Variants in CACNB2 observed in about 807,000 individuals in gnomAD.
CACNB2 encodes calcium voltage-gated channel auxiliary subunit beta 2.
CACNB2 carries 42 observed loss-of-function variants against 73.3 expected under a neutral mutation model. That is an observed-to-expected ratio of 0.57 (90% CI 0.45 to 0.74). The LOEUF is 0.74. CACNB2 is among the 30% of genes least tolerant of loss of function. CACNB2 has a pLI of 0.00. For synonymous variants in CACNB2, 348 were observed against 310.3 expected (o/e 1.12, Z -1.28); for missense variants, 940 against 853.0 (o/e 1.10, Z -1.27).
intron 3 of CACNB2, among the ~76,000 whole-genome samples, chr10:18,438,248 C>T (rs1444185378): frequency 7.2e-6 from 1 of 138,438 alleles, no homozygotes; most frequent in African/African-American, 2.7e-5. Flanking sequence ...CCAGGATGGT[C>T]TCCATCTCCT....
intron 3 of CACNB2, among the ~76,000 whole-genome samples, chr10:18,442,763 T>C (rs1452263061): frequency 6.6e-6 from 1 of 150,408 alleles, no homozygotes; most frequent in Admixed American, 6.6e-5. Flanking sequence ...CATCGGAGGT[T>C]GCAGTGAGCC....
chr10:18,428,571 A>T (rs2045722619), intron 3 of CACNB2, among the ~76,000 whole-genome samples: 3 of 152,080 alleles, frequency 2.0e-5, no homozygotes, highest in African/African-American at 7.2e-5. Flanking sequence ...CTGTAATCCC[A>T]GCTACTCTGG....
chr10:18,452,811 T>G (rs115614747), intron 3 of CACNB2, among the ~76,000 whole-genome samples: 1 of 152,366 alleles, frequency 6.6e-6, no homozygotes, highest in African/African-American at 2.4e-5. Context: ...TGGCTGCTTT[T>G]GCTGACTCTA....
intron 2 of CACNB2, chr10:18,340,639 C>T (rs868298893): frequency 5.9e-5 from 76 of 1,284,292 alleles, no homozygotes; most frequent in Middle Eastern, 3.1e-4. Flanking sequence ...AGCCAGCTGA[C>T]GTAATTCAGA....
At chr10:18,384,851 C>T (rs2043159975) in intron 2 of CACNB2, among the ~76,000 whole-genome samples, 1 of 151,908 alleles carries the variant, frequency 6.6e-6, no homozygotes, top group South Asian at 2.1e-4. Context: ...CAGGTTAAGT[C>T]CCTCCCATCT....
intron 2 of CACNB2, among the ~76,000 whole-genome samples, chr10:18,338,806 A>G (rs1407834950): frequency 7.3e-6 from 1 of 136,114 alleles, no homozygotes; most frequent in African/African-American, 2.8e-5. Flanking sequence ...TGGTATGATC[A>G]TAGCTCATTG....
At chr10:18,390,972 G>T (rs2043442211) in intron 2 of CACNB2, among the ~76,000 whole-genome samples, 1 of 152,190 alleles carries the variant, frequency 6.6e-6, no homozygotes, top group South Asian at 2.1e-4. Context: ...CTGGAATGAA[G>T]AAGCAGAATT....
intron 2 of CACNB2, among the ~76,000 whole-genome samples, chr10:18,257,632 A>C (rs2037339259): frequency 6.6e-6 from 1 of 152,178 alleles, no homozygotes; most frequent in South Asian, 2.1e-4. Flanking sequence ...AATTCCGTCC[A>C]TTCTGCAAGG....
chr10:18,491,344 G>T (rs1278940043), intron 3 of CACNB2, among the ~76,000 whole-genome samples: 2 of 152,202 alleles, frequency 1.3e-5, no homozygotes, highest in Non-Finnish European at 2.9e-5. Context: ...AGCCCTTTGG[G>T]AGGCCAAGGC....
At chr10:18,515,121 C>T (rs1347069607) in intron 7 of CACNB2, 1 of 1,168,300 alleles carries the variant, frequency 8.6e-7, no homozygotes, top group Non-Finnish European at 1.3e-6. Context: ...ACCATCTCAC[C>T]CTTTGGACAG....
intron 3 of CACNB2, among the ~76,000 whole-genome samples, chr10:18,489,098 T>C (rs1037487510): frequency 2.0e-5 from 3 of 151,956 alleles, no homozygotes; most frequent in Non-Finnish European, 2.9e-5. Flanking sequence ...CGGATCATGA[T>C]ATCAGGAGAT....
intron 2 of CACNB2, among the ~76,000 whole-genome samples, chr10:18,286,255 G>A (rs1006169764): frequency 6.6e-6 from 1 of 152,048 alleles, no homozygotes; most frequent in Non-Finnish European, 1.5e-5. Flanking sequence ...AGTGGCTCAC[G>A]CCTGTAATCC....
At chr10:18,179,172 T>A (rs1309813812) in intron 2 of CACNB2, among the ~76,000 whole-genome samples, 1 of 152,202 alleles carries the variant, frequency 6.6e-6, no homozygotes, top group Non-Finnish European at 1.5e-5. Context: ...TTTTTTCTAC[T>A]TTTTTTAGCA....
intron 2 of CACNB2, among the ~76,000 whole-genome samples, chr10:18,373,064 C>T (rs1182381685): frequency 1.3e-5 from 2 of 152,104 alleles, no homozygotes; most frequent in African/African-American, 4.8e-5. Flanking sequence ...GATTCTCCCA[C>T]CATGGCCTCC....
chr10:18,172,472 A>G (rs1352178210), intron 2 of CACNB2, among the ~76,000 whole-genome samples: 2 of 152,130 alleles, frequency 1.3e-5, no homozygotes, highest in Non-Finnish European at 2.9e-5. Flanking sequence ...TGTGTTTTCT[A>G]GTTTTCCACG....
At chr10:18,392,150 A>G (rs1236194123) in intron 2 of CACNB2, among the ~76,000 whole-genome samples, 7 of 152,060 alleles carry the variant, frequency 4.6e-5, no homozygotes, top group African/African-American at 1.7e-4. Flanking sequence ...TCTGAGGAAT[A>G]TCAAGGGGCC....
intron 3 of CACNB2, among the ~76,000 whole-genome samples, chr10:18,415,484 A>G (rs1458935601): frequency 1.3e-5 from 2 of 150,770 alleles, no homozygotes; most frequent in African/African-American, 4.9e-5. Context: ...AAAAAAACAA[A>G]GAAAAGAAAA....
chr10:18,183,785 G>C (rs565344770), intron 2 of CACNB2, among the ~76,000 whole-genome samples: 3 of 152,286 alleles, frequency 2.0e-5, no homozygotes, highest in African/African-American at 7.2e-5. Flanking sequence ...TCTCCTAGAT[G>C]TGAACCTATG....
intron 2 of CACNB2, among the ~76,000 whole-genome samples, chr10:18,245,219 C>T (rs550159299): frequency 6.6e-6 from 1 of 152,206 alleles, no homozygotes; most frequent in African/African-American, 2.4e-5. Context: ...CATACAGGCA[C>T]ACAGTGTGTA....
Sources: allele counts gnomAD v4.1 joint callset (sites outside exome capture counted in the v4.1 genomes callset), GRCh38; gene constraint gnomAD v4.1.1; transcripts MANE v1.5; gene names NCBI Gene and HGNC (gene_info 2026-07-23, HGNC 2026-07-21).